MTPN: variants seen among roughly 807,000 people sequenced by gnomAD.
MTPN encodes granule cell differentiation protein.
Under a neutral mutation model 13.5 loss-of-function variants are expected in MTPN, and 2 were observed. That is an observed-to-expected ratio of 0.15 (90% CI 0.06 to 0.47). MTPN has a LOEUF of 0.47. MTPN is among the 20% of genes least tolerant of loss of function. The probability of loss-of-function intolerance (pLI) is 0.97; values close to 1 mark genes in which losing one functional copy is unlikely to be tolerated. For missense variants in MTPN, 79 were observed against 137.9 expected, an observed-to-expected ratio of 0.57 and a Z score of 2.14; for synonymous variants, 46 against 51.7, an observed-to-expected ratio of 0.89 and a Z score of 0.48.
chr7:135,958,287 A>G (rs1214917051), intron 1 of MTPN, among the ~76,000 whole-genome samples: 3 of 152,164 alleles, frequency 2.0e-5, no homozygotes, highest in African/African-American at 7.2e-5. Flanking sequence ...TACTGCCTAC[A>G]ATGTCTGTGG....
intron 3 of MTPN, among the ~76,000 whole-genome samples, chr7:135,943,000 T>TG (rs1799237614): frequency 6.6e-6 from 1 of 152,242 alleles, no homozygotes. Flanking sequence ...CAGTTATTTA[T>TG]GGGGTAAATC....
chr7:135,928,752 TC>T lies in MTPN; in HGVS notation c.*1173del, dbSNP rs1798967514. 3 of 167,062 alleles carry T rather than the reference TC, an allele frequency of 1.8e-5. No individual in the cohort carries two copies. The allele number at this position is 167,062 out of a possible 1,614,324, so 10.3% of individuals were successfully genotyped here. ...GAACAGAGAATACATTTTGAAGTTGTCACACTTTATGTAATGCATGATTTAT... is the reference window on the plus strand; with the variant it reads ...GAACAGAGAATACATTTTGAAGTTGTACACTTTATGTAATGCATGATTTAT... On this transcript the variant is annotated 3_prime_UTR_variant, in exon 4 of 4. Coordinates refer to ENST00000393085, the MANE Select transcript of MTPN (RefSeq NM_145808.4).
chr7:135,927,019 G>T lies in MTPN; in HGVS notation c.*2907C>A. 2 of 258,074 alleles carry T rather than the reference G, an allele frequency of 7.7e-6. No homozygotes were observed. The highest frequency in any genetic ancestry group is 7.3e-6 in the Non-Finnish European group (1 of 137,170). The allele number at this position is 258,074 out of a possible 1,614,324, so 16.0% of individuals were successfully genotyped here. A position where few individuals can be genotyped will look rare whatever the true frequency, so the allele number is the denominator to read the frequency against. ...GGACAATTTAAATTTTTTATATTTT[G>T]CATGCAAAACACTGCAATTGCTTAT... On this transcript the variant is annotated 3_prime_UTR_variant, in exon 4 of 4. Transcript: ENST00000393085.
intron 3 of MTPN, among the ~76,000 whole-genome samples, chr7:135,946,690 C>A (rs896596359): frequency 6.6e-6 from 1 of 152,144 alleles, no homozygotes; most frequent in African/African-American, 2.4e-5. Flanking sequence ...CCTTTTCATT[C>A]CAAAAATTTC....
intron 3 of MTPN, among the ~76,000 whole-genome samples, chr7:135,944,766 A>G (rs754947793): frequency 2.6e-5 from 4 of 152,242 alleles, no homozygotes; most frequent in Non-Finnish European, 5.9e-5. Context: ...TAAGATGTCC[A>G]ATTATATGTA....
intron 1 of MTPN, among the ~76,000 whole-genome samples, chr7:135,966,793 T>G (rs1799614379): frequency 6.6e-6 from 1 of 152,186 alleles, no homozygotes; most frequent in Non-Finnish European, 1.5e-5. Context: ...AGCAATTTAT[T>G]TGCCCTTTTT....
At chr7:135,968,647 T>C (rs551518674) in intron 1 of MTPN, among the ~76,000 whole-genome samples, 2 of 151,676 alleles carry the variant, frequency 1.3e-5, no homozygotes, top group African/African-American at 4.8e-5. Flanking sequence ...TCACAGTGCA[T>C]GACATCCTCC....
chr7:135,962,842 G>A (rs1799546349), intron 1 of MTPN, among the ~76,000 whole-genome samples: 1 of 151,982 alleles, frequency 6.6e-6, no homozygotes, highest in Non-Finnish European at 1.5e-5. Context: ...CTATTTCTAA[G>A]TGAAATGGCC....
In MTPN at chr7:135,927,218, T is replaced by C; in HGVS notation, c.*2708A>G. 1 of 1,269,322 alleles carries C rather than the reference T, an allele frequency of 7.9e-7. No homozygotes were observed. Among genetic ancestry groups the C allele is most frequent in the Non-Finnish European group, 1.1e-6 (1 of 945,026 alleles). The allele number at this position is 1,269,322 out of a possible 1,614,324, so 78.6% of individuals were successfully genotyped here. ...ATCAATGAATAAAAGGCCTACTTGT[T>C]TGCAGCTTCCACACACTGCACCTAC... On this transcript the variant is annotated 3_prime_UTR_variant, in exon 4 of 4. Coordinates refer to ENST00000393085, the MANE Select transcript of MTPN (RefSeq NM_145808.4).
intron 3 of MTPN, among the ~76,000 whole-genome samples, chr7:135,940,722 G>T (rs1427402719): frequency 1.3e-5 from 2 of 152,084 alleles, no homozygotes; most frequent in African/African-American, 4.8e-5. Flanking sequence ...AAAATGTTAG[G>T]GACAAGACTA....
intron 1 of MTPN, among the ~76,000 whole-genome samples, chr7:135,951,900 T>G (rs1252289767): frequency 6.6e-6 from 1 of 152,216 alleles, no homozygotes; most frequent in Middle Eastern, 3.2e-3. Flanking sequence ...GTCCTCCATT[T>G]CTAAGGAGTT....
At chr7:135,941,104 T>A (rs1799202525) in intron 3 of MTPN, among the ~76,000 whole-genome samples, 1 of 152,190 alleles carries the variant, frequency 6.6e-6, no homozygotes, top group African/African-American at 2.4e-5. Context: ...ACCTGGCCCT[T>A]AATAGAAAAT....
At chr7:135,957,635 T>A (rs979771489) in intron 1 of MTPN, among the ~76,000 whole-genome samples, 1 of 152,190 alleles carries the variant, frequency 6.6e-6, no homozygotes, top group African/African-American at 2.4e-5. Flanking sequence ...TTGATGTGTG[T>A]CCAGGAAAAT....
At chr7:135,940,503 A>C (rs1053984396) in intron 3 of MTPN, among the ~76,000 whole-genome samples, 1 of 152,170 alleles carries the variant, frequency 6.6e-6, no homozygotes, top group African/African-American at 2.4e-5. Context: ...TTGAGTTTTT[A>C]ATGTAACAGT....
chr7:135,972,210 C>T (rs896352602), intron 1 of MTPN, among the ~76,000 whole-genome samples: 38 of 87,792 alleles, frequency 4.3e-4, no homozygotes, highest in Admixed American at 2.0e-3. Flanking sequence ...TAAATACACA[C>T]GCGCACACGC....
intron 3 of MTPN, among the ~76,000 whole-genome samples, chr7:135,933,580 T>C (rs1194643903): frequency 6.6e-6 from 1 of 152,192 alleles, no homozygotes; most frequent in Non-Finnish European, 1.5e-5. Context: ...GATGTTCAAA[T>C]TATTTCTAGG....
At chr7:135,963,016 C>T (rs1334044761) in intron 1 of MTPN, among the ~76,000 whole-genome samples, 1 of 152,012 alleles carries the variant, frequency 6.6e-6, no homozygotes, top group Non-Finnish European at 1.5e-5. Context: ...AGCTACCTAA[C>T]AAACAGTAGA....
At chr7:135,943,278 C>T (rs1186158118) in intron 3 of MTPN, among the ~76,000 whole-genome samples, 2 of 152,102 alleles carry the variant, frequency 1.3e-5, no homozygotes, top group African/African-American at 4.8e-5. Context: ...TTTGTTCTGC[C>T]TGCAGGCACG....
At chr7:135,934,708 T>C (rs1048734057) in intron 3 of MTPN, among the ~76,000 whole-genome samples, 1 of 152,196 alleles carries the variant, frequency 6.6e-6, no homozygotes, top group Non-Finnish European at 1.5e-5. Flanking sequence ...AGTCAACATA[T>C]ATAGTATCTG....
Sources: gnomAD v4.1 joint callset for allele counts (sites outside exome capture counted in the v4.1 genomes callset) on GRCh38, gnomAD v4.1.1 for gene constraint, MANE v1.5 for transcripts, NCBI Gene and HGNC (gene_info 2026-07-23, HGNC 2026-07-21) for gene names.